CTNNA3: variants seen among roughly 807,000 people sequenced by gnomAD.
The protein encoded by CTNNA3 is catenin alpha-3.
A neutral mutation model predicts 95.7 loss-of-function variants in CTNNA3; 76 were observed. That is an observed-to-expected ratio of 0.79 (90% CI 0.66 to 0.96). The LOEUF (loss-of-function observed/expected upper bound fraction) is 0.96. Ranked by LOEUF, CTNNA3 falls within the 40% of genes least tolerant of loss-of-function variation. CTNNA3 has a pLI of 0.00. For synonymous variants in CTNNA3, 431 were observed against 374.4 expected (o/e 1.15, Z -1.74); for missense variants, 1,191 against 1,089.8 (o/e 1.09, Z -1.31).
intron 7 of CTNNA3, among the ~76,000 whole-genome samples, chr10:67,171,304 G>C (rs1160097008): frequency 6.6e-6 from 1 of 152,192 alleles, no homozygotes; most frequent in Non-Finnish European, 1.5e-5. Flanking sequence ...GCCAGGCGCA[G>C]TGGCTCACGC....
chr10:65,936,222 T>G (rs1184776021), intron 17 of CTNNA3, among the ~76,000 whole-genome samples: 1 of 152,118 alleles, frequency 6.6e-6, no homozygotes, highest in African/African-American at 2.4e-5. Flanking sequence ...TGATTAGGAT[T>G]CTTTATTTTC....
rs554298088 is a variant in CTNNA3 at position 67,353,479 on chromosome 10, C to T, written c.580-133609G>A. ...ACCATTGAACTCATCCTGTTATGCA[C>T]GTTACATAGTCTTAAAGATTGCTAG... is the stretch of plus-strand genomic sequence containing the variant. On this transcript the variant is annotated intron_variant, in intron 5 of 17. Coordinates refer to ENST00000433211, the MANE Select transcript of CTNNA3 (RefSeq NM_013266.4). Among the ~76,000 whole-genome samples the T allele has an allele frequency of 3.4e-4, 16 of 46,482 alleles. No individual in the cohort carries two copies. In the East Asian group the frequency reaches 5.2e-3, roughly 15 times the overall value. The allele number at this position is 46,482 out of a possible 152,430, so 30.5% of individuals were successfully genotyped here. A position where few individuals can be genotyped will look rare whatever the true frequency, so the allele number is the denominator to read the frequency against.
intron 7 of CTNNA3, among the ~76,000 whole-genome samples, chr10:66,972,089 C>A (rs1849753358): frequency 6.6e-6 from 1 of 152,088 alleles, no homozygotes; most frequent in Admixed American, 6.6e-5. Flanking sequence ...AGCTTTTAAG[C>A]TTTGTTTAGT....
At chr10:66,861,021 G>A (rs1390153997) in intron 7 of CTNNA3, among the ~76,000 whole-genome samples, 3 of 152,086 alleles carry the variant, frequency 2.0e-5, no homozygotes, top group Non-Finnish European at 4.4e-5. Flanking sequence ...TGAAAATGTG[G>A]TCTCAGGGAA....
At chr10:66,648,745 A>G (rs898934151) in intron 9 of CTNNA3, among the ~76,000 whole-genome samples, 1 of 152,166 alleles carries the variant, frequency 6.6e-6, no homozygotes, top group Non-Finnish European at 1.5e-5. Flanking sequence ...AATGGAGAAA[A>G]AAGTACAGGC....
intron 7 of CTNNA3, among the ~76,000 whole-genome samples, chr10:66,990,333 CCA>C (rs1327506879): frequency 5.9e-5 from 9 of 152,128 alleles, no homozygotes; most frequent in African/African-American, 2.2e-4. Flanking sequence ...TTTGAAGCTA[CCA>C]CAGTTCTTCT....
intron 5 of CTNNA3, among the ~76,000 whole-genome samples, chr10:67,439,913 G>T (rs1846436293): frequency 6.6e-6 from 1 of 152,154 alleles, no homozygotes; most frequent in African/African-American, 2.4e-5. Flanking sequence ...TCCCAGCTGT[G>T]GGAACTATGG....
At chr10:67,106,875 A>C (rs931045649) in intron 7 of CTNNA3, among the ~76,000 whole-genome samples, 2 of 152,210 alleles carry the variant, frequency 1.3e-5, no homozygotes, top group Non-Finnish European at 2.9e-5. Flanking sequence ...TTAGAGATAC[A>C]TGAGTATATG....
At chr10:67,641,323 G>C (rs1490821265) in intron 2 of CTNNA3, among the ~76,000 whole-genome samples, 1 of 152,120 alleles carries the variant, frequency 6.6e-6, no homozygotes, top group East Asian at 1.9e-4. Context: ...TCTCACACCA[G>C]TTAGAATGGC....
chr10:67,741,574 G>A (rs568122704), intron 1 of CTNNA3, among the ~76,000 whole-genome samples: 7 of 151,018 alleles, frequency 4.6e-5, no homozygotes, highest in Non-Finnish European at 1.0e-4. Flanking sequence ...AAAGACCATC[G>A]AGGCTAGGAA....
intron 5 of CTNNA3, among the ~76,000 whole-genome samples, chr10:67,250,859 C>T (rs1369679458): frequency 6.6e-6 from 1 of 152,164 alleles, no homozygotes; most frequent in Admixed American, 6.5e-5. Context: ...GGAAATAAAA[C>T]TTTCACTCAT....
At chr10:67,185,458 T>C (rs1862793259) in intron 6 of CTNNA3, among the ~76,000 whole-genome samples, 2 of 151,808 alleles carry the variant, frequency 1.3e-5, no homozygotes, top group Admixed American at 1.3e-4. Context: ...CTCTATTGAG[T>C]CTCTCCATTT....
chr10:66,069,287 C>T, intron 15 of CTNNA3, 21 bp downstream of exon 15: 1 of 1,606,118 alleles, frequency 6.2e-7, no homozygotes, highest in Non-Finnish European at 8.5e-7. Context: ...GAATATTACA[C>T]ATCGTTTTCC....
At chr10:67,737,369 T>C (rs1397507205) in intron 1 of CTNNA3, among the ~76,000 whole-genome samples, 4 of 152,082 alleles carry the variant, frequency 2.6e-5, no homozygotes, top group African/African-American at 9.7e-5. Flanking sequence ...GAGAAGTTTA[T>C]AGCCATAAAC....
chr10:66,402,538 T>G (rs923683811), intron 11 of CTNNA3, among the ~76,000 whole-genome samples: 1 of 152,176 alleles, frequency 6.6e-6, no homozygotes. Flanking sequence ...ATATTAACAG[T>G]TAACAGAGAC....
chr10:67,052,662 A>C (rs1855182950), intron 7 of CTNNA3: 1 of 152,178 alleles, frequency 6.6e-6, no homozygotes, highest in South Asian at 2.1e-4. Flanking sequence ...TAAGAGGATG[A>C]GGAGAAAGGA....
chr10:66,785,751 T>C (rs1335325926), intron 7 of CTNNA3, among the ~76,000 whole-genome samples: 1 of 152,144 alleles, frequency 6.6e-6, no homozygotes, highest in Non-Finnish European at 1.5e-5. Flanking sequence ...ATTCCCATAA[T>C]AAATCTCCTC....
intron 5 of CTNNA3, among the ~76,000 whole-genome samples, chr10:67,275,341 G>C (rs1335052844): frequency 6.6e-6 from 1 of 152,118 alleles, no homozygotes; most frequent in African/African-American, 2.4e-5. Context: ...TTTGGAGGTA[G>C]AACTCTTAGC....
At chr10:67,323,831 C>T (rs1293861960) in intron 5 of CTNNA3, among the ~76,000 whole-genome samples, 1 of 152,110 alleles carries the variant, frequency 6.6e-6, no homozygotes, top group Non-Finnish European at 1.5e-5. Context: ...TTCTTCCTGT[C>T]CATGAGCATA....
Sources: allele counts gnomAD v4.1 joint callset (sites outside exome capture counted in the v4.1 genomes callset), GRCh38; gene constraint gnomAD v4.1.1; transcripts MANE v1.5; gene names NCBI Gene and HGNC (gene_info 2026-07-23, HGNC 2026-07-21).